The following ADAMTS17 variants were observed in gnomAD, a reference collection of about 807,000 sequenced individuals.
ADAMTS17 encodes ADAM metallopeptidase with thrombospondin type 1 motif 17, also known as A disintegrin and metalloproteinase with thrombospondin motifs 17.
In ADAMTS17, 113 loss-of-function variants were observed where a neutral mutation model predicts 141.5. The ratio of observed to expected loss-of-function variants is 0.80; its 90% CI spans 0.69 to 0.93. ADAMTS17 has a LOEUF of 0.93. Among genes scored for constraint, ADAMTS17 ranks in the 40% least tolerant of loss-of-function variants. The pLI is 0.00. For synonymous variants in ADAMTS17, 768 were observed against 630.6 expected, an observed-to-expected ratio of 1.22 and a Z score of -3.27; for missense variants, 1,659 against 1,517.9, an observed-to-expected ratio of 1.09 and a Z score of -1.54.
chr15:100,115,933 G>T (rs1209439822), intron 13 of ADAMTS17, among the ~76,000 whole-genome samples: 1 of 152,032 alleles, frequency 6.6e-6, no homozygotes, highest in African/African-American at 2.4e-5. Flanking sequence ...CTCCCGCCCT[G>T]GCCTCTTGTC....
In ADAMTS17 at chr15:100,099,926, C is replaced by A. The variant is rs78467063; in HGVS notation, c.2017-3450G>T. ...ATGTCCATCTTTAGCTGTCTGAGTC[C>A]TGGATTCCACCCTGGAACTTTGCCC... On this transcript the variant is annotated intron_variant, in intron 14 of 21. Coordinates refer to ENST00000268070, the MANE Select transcript of ADAMTS17 (RefSeq NM_139057.4). 2.2e-3 allele frequency among the ~76,000 whole-genome samples: 335 copies of A among 152,350 alleles called. 1 individual carries two copies. The highest frequency in any genetic ancestry group is 7.9e-3 in the African/African-American group (330 of 41,580).
intron 15 of ADAMTS17, among the ~76,000 whole-genome samples, chr15:100,087,685 T>C (rs967718539): frequency 2.0e-5 from 3 of 152,118 alleles, no homozygotes; most frequent in East Asian, 1.9e-4. Flanking sequence ...TGGTTCAACA[T>C]ACACAAATCA....
chr15:100,130,031 A>C (rs1228304790), intron 12 of ADAMTS17, among the ~76,000 whole-genome samples: 1 of 152,166 alleles, frequency 6.6e-6, no homozygotes. Flanking sequence ...TTAGCTAAAC[A>C]GGGTTTCTAA....
chr15:100,182,884 T>C (rs1337241037), intron 8 of ADAMTS17, among the ~76,000 whole-genome samples: 3 of 152,262 alleles, frequency 2.0e-5, no homozygotes, highest in South Asian at 2.1e-4. Context: ...GCTTCTTGAA[T>C]CTGCAGGCAT....
rs143803389 is a variant in ADAMTS17, at chr15:100,155,215, G to A, written c.1287C>T (p.Ser429=). 7.0e-5 allele frequency: 113 copies of A among 1,614,202 alleles called. 1 individual carries two copies. In the East Asian group the frequency reaches 2.5e-3, roughly 35 times the overall value. ...TTTCAAGGTCATCTCGGCTGCAGGA[G>A]GACCAAGAGAGGTCACTTGGGTTCC... The part of the protein sequence containing the change: ...KGRNPSDLSW[S]SCSRDDLENF... Residue 429 remains serine, a synonymous_variant, in exon 9 of 22, where the codon TCC becomes TCT. Transcript: ENST00000268070.
chr15:100,060,366 T>C (rs566887242), intron 15 of ADAMTS17, among the ~76,000 whole-genome samples: 81 of 152,326 alleles, frequency 5.3e-4, no homozygotes, highest in African/African-American at 1.9e-3. Flanking sequence ...TGAGGTTACA[T>C]GCAGAACGTC....
At chr15:100,249,325 G>C (rs555753409) in intron 7 of ADAMTS17, among the ~76,000 whole-genome samples, 1 of 152,330 alleles carries the variant, frequency 6.6e-6, no homozygotes, top group African/African-American at 2.4e-5. Context: ...TGGTCATCTT[G>C]GGCTGTCTGG....
At chr15:100,096,643 T>C (rs1232431114) in intron 14 of ADAMTS17, among the ~76,000 whole-genome samples, 167 bp from the exon 15 acceptor site, 1 of 152,220 alleles carries the variant, frequency 6.6e-6, no homozygotes, top group Non-Finnish European at 1.5e-5. Flanking sequence ...AGAAAAAAGA[T>C]GCACAGAATC....
At chr15:100,338,963 C>A in intron 2 of ADAMTS17, 1 of 985,554 alleles carries the variant, frequency 1.0e-6, no homozygotes, top group Non-Finnish European at 1.2e-6. Context: ...CTCCAAGTCA[C>A]CCCACTGTCT....
intron 4 of ADAMTS17, among the ~76,000 whole-genome samples, chr15:100,272,411 T>C (rs977537453): frequency 1.3e-5 from 2 of 152,002 alleles, no homozygotes; most frequent in Admixed American, 6.5e-5. Context: ...CTCTATCCCT[T>C]ATTTGGTTAA....
At chr15:99,984,047 G>C (rs1247243287) in intron 20 of ADAMTS17, among the ~76,000 whole-genome samples, 1 of 152,122 alleles carries the variant, frequency 6.6e-6, no homozygotes, top group African/African-American at 2.4e-5. Context: ...AACAGGAAAT[G>C]CTTCCCAGAC....
intron 13 of ADAMTS17, among the ~76,000 whole-genome samples, chr15:100,112,130 G>A (rs1020147085): frequency 6.6e-6 from 1 of 152,224 alleles, no homozygotes; most frequent in Non-Finnish European, 1.5e-5. Flanking sequence ...ACTTCAAAGG[G>A]ATGAAGGCTG....
intron 3 of ADAMTS17, among the ~76,000 whole-genome samples, chr15:100,302,871 A>C (rs529893081): frequency 6.6e-6 from 1 of 152,264 alleles, no homozygotes; most frequent in East Asian, 1.9e-4. Flanking sequence ...TAACCCTGCC[A>C]GGGAGGTTAG....
At chr15:100,255,617 A>AAAACACACACACACACACACAC (rs1555495601) in intron 6 of ADAMTS17, among the ~76,000 whole-genome samples, 2 of 140,186 alleles carry the variant, frequency 1.4e-5, no homozygotes, top group Admixed American at 1.4e-4. Flanking sequence ...TGTTTTGAGC[A>AAAACACACACACACACACACAC]ACACACACAC....
intron 18 of ADAMTS17, among the ~76,000 whole-genome samples, chr15:100,035,650 G>A (rs2030632696): frequency 6.6e-6 from 1 of 152,086 alleles, no homozygotes; most frequent in South Asian, 2.1e-4. Flanking sequence ...GGCTAGCTTG[G>A]GGCCACCAGG....
At chr15:100,159,090 C>T (rs2141394036) in intron 8 of ADAMTS17, among the ~76,000 whole-genome samples, 1 of 152,180 alleles carries the variant, frequency 6.6e-6, no homozygotes, top group South Asian at 2.1e-4. Flanking sequence ...AAAAATAAAA[C>T]TACTGCATGA....
intron 10 of ADAMTS17, among the ~76,000 whole-genome samples, chr15:100,143,265 A>G (rs2038743732): frequency 6.6e-6 from 1 of 152,188 alleles, no homozygotes; most frequent in Admixed American, 6.5e-5. Context: ...TCTTCCTTGC[A>G]GCTGACAGCG....
At chr15:100,319,867 T>G (rs554123485) in intron 3 of ADAMTS17, among the ~76,000 whole-genome samples, 85 of 152,002 alleles carry the variant, frequency 5.6e-4, no homozygotes, top group African/African-American at 2.0e-3. Context: ...GAAGCAGAGG[T>G]TGCGGTGAGC....
chr15:99,987,163 T>A (rs1215298231), intron 20 of ADAMTS17, among the ~76,000 whole-genome samples: 2 of 152,158 alleles, frequency 1.3e-5, no homozygotes, highest in Non-Finnish European at 2.9e-5. Flanking sequence ...ATTCCTCACC[T>A]CCTTGGAAAC....
Sources: allele counts gnomAD v4.1 joint callset (sites outside exome capture counted in the v4.1 genomes callset), GRCh38; gene constraint gnomAD v4.1.1; transcripts MANE v1.5; gene names NCBI Gene and HGNC (gene_info 2026-07-23, HGNC 2026-07-21).